HNRNPH1: variants seen among roughly 807,000 people sequenced by gnomAD.
HNRNPH1 encodes heterogeneous nuclear ribonucleoprotein H1.
A neutral mutation model predicts 58.6 loss-of-function variants in HNRNPH1; 4 were observed. The ratio of observed to expected loss-of-function variants is 0.07; its 90% CI spans 0.03 to 0.16. The LOEUF (loss-of-function observed/expected upper bound fraction) is 0.16. Among genes scored for constraint, HNRNPH1 ranks in the 10% least tolerant of loss-of-function variants. The probability of loss-of-function intolerance (pLI) is 1.00; values close to 1 mark genes in which losing one functional copy is unlikely to be tolerated. For synonymous variants in HNRNPH1, 192 were observed against 189.2 expected (o/e 1.01, Z -0.12); for missense variants, 271 against 564.2 (o/e 0.48, Z 5.26).
rs527388085 is a variant in HNRNPH1, at chr5:179,630,636, ACG to A, written c.-32+3427_-32+3428del. On this transcript the variant is annotated intron_variant, in intron 2 of 4. Transcript: ENST00000521116. ...GTATAAATGCATACATTTCGGCCTG[ACG>A]CGGGGGCTCACGCCTGTAATCCCAG... 4.6e-5 allele frequency among the ~76,000 whole-genome samples: 7 copies of A among 152,066 alleles called. No homozygotes were observed. In the East Asian group the frequency reaches 1.4e-3, roughly 30 times the overall value.
At chr5:179,617,165 A>C in intron 8 of HNRNPH1, 55 bp from the exon 10 acceptor site, 4 of 1,539,472 alleles carry the variant, frequency 2.6e-6, no homozygotes, top group Non-Finnish European at 3.6e-6. Context: ...AAAACAGAAT[A>C]AGCACTTTTA....
In HNRNPH1 at chr5:179,615,668, A is replaced by T. The variant is rs570441675; in HGVS notation, c.1301-73T>A. 1.7e-5 allele frequency: 13 copies of T among 765,950 alleles called. No homozygotes were observed. The African/African-American group carries it at 2.3e-4, about 14-fold the overall frequency. 47.4% of individuals were successfully genotyped at this position (765,950 alleles called of 1,614,324 possible). ...TCTTTAGACCAATTGAAAAAAAATA[A>T]ATAAAACCAATCCTAGGTTAACTGA... On this transcript the variant is annotated intron_variant, in intron 11 of 12. Transcript: ENST00000356731.
At chr5:179,616,043 G>A in intron 11 of HNRNPH1, 83 bp downstream of exon 12, 4 of 1,209,378 alleles carry the variant, frequency 3.3e-6, no homozygotes, top group Non-Finnish European at 4.9e-6. Context: ...ACAGTAACAG[G>A]CTTTACCATA....
At chr5:179,614,696 G>A in exon 13 of HNRNPH1, 2 of 560,696 alleles carry the variant, frequency 3.6e-6, no homozygotes, top group African/African-American at 3.9e-5. Context: ...TGGGCCTTAA[G>A]TCTTCATAAC....
exon 7 of HNRNPH1, chr5:179,617,922 G>A (rs1770572197): frequency 1.9e-6 from 3 of 1,614,102 alleles, no homozygotes; most frequent in African/African-American, 1.3e-5. Flanking sequence ...CTGAAAAACA[G>A]TAATTGAGGT....
At chr5:179,626,586 C>T (rs938572925), upstream of HNRNPH1, among the ~76,000 whole-genome samples, 3 of 150,596 alleles carry the variant, frequency 2.0e-5, no homozygotes, top group East Asian at 2.1e-4. Flanking sequence ...CATGGTGTCG[C>T]GTGCCTGTAA....
chr5:179,620,122 T>C (rs1357510524), intron 3 of HNRNPH1: 71 of 152,246 alleles, frequency 4.7e-4, no homozygotes. Context: ...ACAGACTTGA[T>C]TTTAAAAATT....
At chr5:179,622,236 G>A (rs544817416) in intron 1 of HNRNPH1, among the ~76,000 whole-genome samples, 1 of 152,320 alleles carries the variant, frequency 6.6e-6, no homozygotes, top group Admixed American at 6.5e-5. Flanking sequence ...TAGGAAAACT[G>A]AAATTAAGAC....
upstream of HNRNPH1, among the ~76,000 whole-genome samples, chr5:179,628,710 T>A (rs1201683352): frequency 1.3e-5 from 2 of 152,174 alleles, no homozygotes. Context: ...GAGGCCATGG[T>A]GGGCTGATCA....
chr5:179,617,427 A>G, intron 8 of HNRNPH1, 87 bp downstream of exon 9: 1 of 1,434,974 alleles, frequency 7.0e-7, no homozygotes, highest in African/African-American at 1.4e-5. Flanking sequence ...GAAACTTCTC[A>G]TATATCCTTA....
At chr5:179,619,733 T>C (rs972084518) in intron 3 of HNRNPH1, 1 of 173,462 alleles carries the variant, frequency 5.8e-6, no homozygotes, top group African/African-American at 2.4e-5. Context: ...TTTTAAGCAT[T>C]AAATAACAGT....
intron 10 of HNRNPH1, chr5:179,616,618 A>G: frequency 3.7e-6 from 2 of 538,808 alleles, no homozygotes; most frequent in East Asian, 6.2e-5. Context: ...CTTTATACTT[A>G]GAAAATTTAA....
rs757304534 is a variant in HNRNPH1, at chr5:179,617,764, T to A, written c.921+35A>T. On this transcript the variant is annotated intron_variant, in intron 7 of 12. Coordinates refer to ENST00000356731, the Ensembl canonical transcript of HNRNPH1. ...GAATAAGGCTGACTTACTGCCATAC[T>A]GAAATATTGACTTGTGAGTTCATCT... 5 of 1,611,652 alleles carry A rather than the reference T, an allele frequency of 3.1e-6. No individual in the cohort carries two copies. The South Asian group carries it at 5.5e-5, about 18-fold the overall frequency.
At chr5:179,627,243 G>A (rs192099050), upstream of HNRNPH1, among the ~76,000 whole-genome samples, 6 of 152,068 alleles carry the variant, frequency 3.9e-5, no homozygotes, top group East Asian at 1.9e-4. Context: ...GTCTTGTTCC[G>A]TGCAGTGACA....
exon 1 of HNRNPH1, chr5:179,624,253 C>G (rs549356620): frequency 3.8e-4 from 138 of 366,858 alleles, no homozygotes; most frequent in African/African-American, 2.6e-3. Flanking sequence ...ACGTCCCGCG[C>G]CCGAAGCCAC....
At chr5:179,630,306 G>A (rs1381070811) in intron 2 of HNRNPH1, among the ~76,000 whole-genome samples, 1 of 152,002 alleles carries the variant, frequency 6.6e-6, no homozygotes, top group East Asian at 1.9e-4. Context: ...CTGAAATCTT[G>A]CCATTGCACT....
In HNRNPH1 at chr5:179,621,861, T is replaced by C. The variant is rs146825428; in HGVS notation, c.98-464A>G. On this transcript the variant is annotated intron_variant, in intron 1 of 12. Coordinates refer to ENST00000356731, the Ensembl canonical transcript of HNRNPH1. ...TACTCACCTGAAAGGGGATCAGTGT[T>C]ACCAAGCTAAAATGCTCCAAGTTGC... 45 of 450,116 alleles carry C rather than the reference T, an allele frequency of 1.0e-4. No homozygotes were observed. In the East Asian group the frequency reaches 1.3e-3, roughly 13 times the overall value. The allele number at this position is 450,116 out of a possible 1,614,324, so 27.9% of individuals were successfully genotyped here. A position where few individuals can be genotyped will look rare whatever the true frequency, so the allele number is the denominator to read the frequency against.
At chr5:179,620,169 C>T (rs1771649466) in intron 3 of HNRNPH1, 1 of 152,220 alleles carries the variant, frequency 6.6e-6, no homozygotes, top group Non-Finnish European at 1.5e-5. Flanking sequence ...CAATTTTTAA[C>T]ATACTACACT....
upstream of HNRNPH1, among the ~76,000 whole-genome samples, chr5:179,625,564 C>A (rs1241497299): frequency 6.7e-6 from 1 of 148,352 alleles, no homozygotes; most frequent in Admixed American, 6.8e-5. Context: ...AAGACTGAGG[C>A]AGGAGAATCA....
Sources: allele counts gnomAD v4.1 joint callset (sites outside exome capture counted in the v4.1 genomes callset), GRCh38; gene constraint gnomAD v4.1.1; transcripts MANE v1.5; gene names NCBI Gene and HGNC (gene_info 2026-07-23, HGNC 2026-07-21).